Variants in CHLSN observed in about 807,000 individuals in gnomAD.
CHLSN encodes cholesin, also known as protein cholesin.
the CHLSN span, among the ~76,000 whole-genome samples, chr7:1,008,965 A>T: frequency 6.6e-6 from 1 of 151,490 alleles, no homozygotes; most frequent in African/African-American, 2.4e-5. Context: ...GCGAACACAC[A>T]TGCGTGCACA....
chr7:1,050,709 AG>A, the CHLSN span, among the ~76,000 whole-genome samples: 4 of 152,212 alleles, frequency 2.6e-5, no homozygotes, highest in African/African-American at 9.7e-5. Flanking sequence ...GGGTCTTGGA[AG>A]AAAAGACCCC....
the CHLSN span, among the ~76,000 whole-genome samples, chr7:1,047,735 C>A: frequency 2.2e-4 from 33 of 152,222 alleles, no homozygotes; most frequent in African/African-American, 7.5e-4. Context: ...GTGCCTGGGG[C>A]CTCGCAGTTC....
chr7:1,001,649 G>T, the CHLSN span, among the ~76,000 whole-genome samples: 4 of 132,822 alleles, frequency 3.0e-5, no homozygotes, highest in African/African-American at 1.2e-4. Context: ...AGTCCTGTGG[G>T]TGAGTGGAGT....
At chr7:1,069,015 G>A in the CHLSN span, among the ~76,000 whole-genome samples, 1 of 152,158 alleles carries the variant, frequency 6.6e-6, no homozygotes, top group South Asian at 2.1e-4. Context: ...CCAGACACCC[G>A]ATCTTGCAAG....
chr7:1,046,992 G>A, the CHLSN span, among the ~76,000 whole-genome samples: 1 of 152,236 alleles, frequency 6.6e-6, no homozygotes, highest in East Asian at 1.9e-4. Context: ...TGCCAAGCCT[G>A]CCCAGAGTCT....
the CHLSN span, among the ~76,000 whole-genome samples, chr7:1,070,805 G>A: frequency 8.3e-6 from 1 of 120,628 alleles, no homozygotes; most frequent in Admixed American, 8.2e-5. Flanking sequence ...GTGCACACAT[G>A]CACACACATC....
chr7:1,101,984 G>A, the CHLSN span, among the ~76,000 whole-genome samples: 35 of 152,342 alleles, frequency 2.3e-4, no homozygotes, highest in African/African-American at 7.2e-4. Flanking sequence ...CCTTGGCAGC[G>A]TGTGAAATGC....
At chr7:1,037,703 G>A in the CHLSN span, among the ~76,000 whole-genome samples, 125 of 93,688 alleles carry the variant, frequency 1.3e-3, 2 homozygotes, top group African/African-American at 5.1e-3. Context: ...CTGCCTGGCC[G>A]CCCATCGTCT....
the CHLSN span, chr7:988,868 C>T: frequency 8.1e-7 from 1 of 1,230,446 alleles, no homozygotes; most frequent in Non-Finnish European, 1.1e-6. Context: ...CCCTCCCAGC[C>T]CTGGGTCCTC....
the CHLSN span, among the ~76,000 whole-genome samples, chr7:989,988 C>T: frequency 1.2e-4 from 10 of 83,198 alleles, no homozygotes; most frequent in South Asian, 5.2e-4. Context: ...GTGCTGGGGG[C>T]GGTGTGGTCG....
At chr7:1,078,811 C>A in the CHLSN span, among the ~76,000 whole-genome samples, 1 of 152,272 alleles carries the variant, frequency 6.6e-6, no homozygotes, top group South Asian at 2.1e-4. Flanking sequence ...CTGTGAGGGG[C>A]ACATGGAGTG....
chr7:1,040,169 T>G, the CHLSN span, among the ~76,000 whole-genome samples: 1 of 85,026 alleles, frequency 1.2e-5, no homozygotes, highest in African/African-American at 6.9e-5. Context: ...GAATTATCAA[T>G]AAAAAAATAA....
At chr7:1,123,906 C>G in the CHLSN span, among the ~76,000 whole-genome samples, 1 of 152,058 alleles carries the variant, frequency 6.6e-6, no homozygotes, top group Non-Finnish European at 1.5e-5. The surrounding 1 kb of genome is among the most constrained non-coding windows in gnomAD (Gnocchi z 4.4). Flanking sequence ...TTCCCAGGCC[C>G]TCTTCCCGCT....
At chr7:984,905 C>A in the CHLSN span, 1 of 1,537,002 alleles carries the variant, frequency 6.5e-7, no homozygotes, top group East Asian at 2.3e-5. Flanking sequence ...GCGGGGCTGG[C>A]TGGGGTGGGA....
chr7:1,100,628 G>A, the CHLSN span, among the ~76,000 whole-genome samples: 1 of 152,168 alleles, frequency 6.6e-6, no homozygotes, highest in Non-Finnish European at 1.5e-5. Flanking sequence ...CTCTCTGGCA[G>A]GTGGTGAGTC....
the CHLSN span, chr7:985,278 T>G: frequency 6.4e-7 from 1 of 1,551,682 alleles, no homozygotes; most frequent in African/African-American, 1.4e-5. Context: ...CCCTGCTGGG[T>G]CTCATCGATG....
the CHLSN span, among the ~76,000 whole-genome samples, chr7:1,057,337 C>T: frequency 2.6e-5 from 4 of 152,216 alleles, no homozygotes; most frequent in Admixed American, 2.0e-4. Flanking sequence ...TTTCAACGCT[C>T]AACTTCACTT....
At chr7:1,023,409 G>C in the CHLSN span, among the ~76,000 whole-genome samples, 1 of 152,062 alleles carries the variant, frequency 6.6e-6, no homozygotes, top group Non-Finnish European at 1.5e-5. This position sits in a 1 kb window ranked among gnomAD's most constrained non-coding sequence, Gnocchi z 5.0. Flanking sequence ...ACGAGACCCA[G>C]GCTGAAGACA....
the CHLSN span, among the ~76,000 whole-genome samples, chr7:1,122,194 GCA>G: frequency 3.9e-5 from 6 of 152,230 alleles, no homozygotes; most frequent in African/African-American, 1.4e-4. Context: ...TCTGCCCCTG[GCA>G]CCTCCAGGCT....
Sources: allele counts gnomAD v4.1 joint callset (sites outside exome capture counted in the v4.1 genomes callset), GRCh38; gene constraint gnomAD v4.1.1; non-coding constraint Gnocchi (gnomAD v3.1); transcripts MANE v1.5; gene names NCBI Gene and HGNC (gene_info 2026-07-23, HGNC 2026-07-21).